The following FSTL4 variants were observed in gnomAD, a reference collection of about 807,000 sequenced individuals.
The protein encoded by FSTL4 is follistatin like 4.
A neutral mutation model predicts 78.2 loss-of-function variants in FSTL4; 28 were observed. The observed-to-expected ratio is 0.36, with a 90% CI of 0.27 to 0.49. FSTL4 has a LOEUF of 0.49. FSTL4 is among the 20% of genes least tolerant of loss of function. The pLI, the probability that FSTL4 is intolerant of heterozygous loss-of-function variation, is 0.98. For missense variants in FSTL4, 922 were observed against 1,084.9 expected, an observed-to-expected ratio of 0.85 and a Z score of 2.11; for synonymous variants, 422 against 440.5, an observed-to-expected ratio of 0.96 and a Z score of 0.53.
intron 3 of FSTL4, among the ~76,000 whole-genome samples, chr5:133,487,822 T>C (rs1387364107): frequency 6.6e-6 from 1 of 152,176 alleles, no homozygotes; most frequent in Non-Finnish European, 1.5e-5. Flanking sequence ...GCATGAGCAC[T>C]TCGTGACTGT....
the FSTL4 span, among the ~76,000 whole-genome samples, chr5:133,647,868 T>C: frequency 6.6e-6 from 1 of 152,166 alleles, no homozygotes. Flanking sequence ...CCAAATCTCA[T>C]CTTAAATTCC....
At chr5:133,532,024 T>G (rs1009247234) in intron 3 of FSTL4, among the ~76,000 whole-genome samples, 4 of 152,084 alleles carry the variant, frequency 2.6e-5, no homozygotes, top group African/African-American at 9.7e-5. Context: ...TTTACAGAAG[T>G]GAGTGAGGTA....
chr5:133,777,379 C>T, the FSTL4 span, among the ~76,000 whole-genome samples: 4 of 152,168 alleles, frequency 2.6e-5, no homozygotes, highest in Admixed American at 6.5e-5. Context: ...AATAGTGGGA[C>T]GTAGCGTGAC....
intron 4 of FSTL4, among the ~76,000 whole-genome samples, chr5:133,348,373 A>G (rs1211455441): frequency 1.1e-4 from 16 of 152,222 alleles, no homozygotes; most frequent in Non-Finnish European, 1.8e-4. Context: ...TTCCCTCCCA[A>G]TGAGAGATCA....
At chr5:133,374,789 G>T (rs915200088) in intron 4 of FSTL4, among the ~76,000 whole-genome samples, 8 of 152,118 alleles carry the variant, frequency 5.3e-5, no homozygotes, top group South Asian at 2.1e-4. Flanking sequence ...AAACCAGGAA[G>T]AGGACCCTCA....
chr5:133,292,107 C>T (rs1753276695), intron 6 of FSTL4, among the ~76,000 whole-genome samples: 1 of 152,166 alleles, frequency 6.6e-6, no homozygotes, highest in South Asian at 2.1e-4. Flanking sequence ...AGTGGCAGAC[C>T]AAGGGCAGAC....
At chr5:133,745,114 C>T in the FSTL4 span, among the ~76,000 whole-genome samples, 560 of 152,286 alleles carry the variant, frequency 3.7e-3, 5 homozygotes, top group African/African-American at 0.013. Context: ...GAAACAAAAA[C>T]CTATTTTTAA....
chr5:133,751,783 C>G, the FSTL4 span, among the ~76,000 whole-genome samples: 1 of 152,332 alleles, frequency 6.6e-6, no homozygotes, highest in East Asian at 1.9e-4. Flanking sequence ...GGTGCAACAG[C>G]AATTTCTTCT....
In FSTL4 at chr5:133,522,204, G is replaced by T. The variant is rs576461670; in HGVS notation, c.160+44982C>A. On this transcript the variant is annotated intron_variant, in intron 3 of 15. Coordinates refer to ENST00000265342, the MANE Select transcript of FSTL4 (RefSeq NM_015082.2). ...CTGTCAAGACAGGACCACCGATAGTGCAATTCCCTTGCTGGGAATTAATTC... is the reference window on the plus strand; with the variant it reads ...CTGTCAAGACAGGACCACCGATAGTTCAATTCCCTTGCTGGGAATTAATTC... Among the ~76,000 whole-genome samples the T allele has an allele frequency of 2.0e-5, 3 of 152,222 alleles. No homozygotes were observed. The East Asian group carries it at 5.8e-4, about 29-fold the overall frequency.
the FSTL4 span, among the ~76,000 whole-genome samples, chr5:133,742,869 C>T: frequency 2.6e-5 from 4 of 152,042 alleles, no homozygotes; most frequent in African/African-American, 4.8e-5. Context: ...ATGACAGGAG[C>T]GCGCGGTGGA....
intron 11 of FSTL4, among the ~76,000 whole-genome samples, chr5:133,221,629 T>C (rs973675982): frequency 6.6e-6 from 1 of 152,058 alleles, no homozygotes; most frequent in Admixed American, 6.6e-5. Flanking sequence ...AGGCCACCCG[T>C]CTCTGTGCCA....
chr5:133,402,469 T>G (rs1404124818), intron 3 of FSTL4, among the ~76,000 whole-genome samples: 2 of 152,224 alleles, frequency 1.3e-5, no homozygotes, highest in African/African-American at 4.8e-5. Context: ...CAGAAGACTT[T>G]GCTTTAAGTG....
intron 6 of FSTL4, among the ~76,000 whole-genome samples, chr5:133,262,469 T>G (rs184508343): frequency 6.6e-6 from 1 of 152,308 alleles, no homozygotes; most frequent in South Asian, 2.1e-4. Flanking sequence ...ACATGCATGC[T>G]TGTTCAATAC....
At chr5:133,516,963 A>G (rs1758864514) in intron 3 of FSTL4, among the ~76,000 whole-genome samples, 1 of 152,130 alleles carries the variant, frequency 6.6e-6, no homozygotes, top group African/African-American at 2.4e-5. Context: ...CTATAATCCC[A>G]GCACTTTGGG....
chr5:133,672,918 C>T, the FSTL4 span, among the ~76,000 whole-genome samples: 200 of 152,296 alleles, frequency 1.3e-3, no homozygotes, highest in Middle Eastern at 3.4e-3. Context: ...ACGGTCAGGG[C>T]ACAGCTTAGT....
In FSTL4 at chr5:133,361,524, G is replaced by T. The variant is rs1755070381; in HGVS notation, c.409+39214C>A. On this transcript the variant is annotated intron_variant, in intron 4 of 15. Transcript: ENST00000265342. This position sits in a 1 kb window ranked among gnomAD's most constrained non-coding sequence, Gnocchi z 4.3. ...CTGGAGCATCAGACCAGCACATCTT[G>T]GCCAAAACGCATAGGTATCTCTTTC... 6.6e-6 allele frequency among the ~76,000 whole-genome samples: 1 copy of T among 152,222 alleles called. No individual in the cohort carries two copies. The highest frequency in any genetic ancestry group is 2.4e-5 in the African/African-American group (1 of 41,528).
intron 4 of FSTL4, among the ~76,000 whole-genome samples, chr5:133,322,867 G>A (rs538517606): frequency 6.9e-4 from 105 of 152,330 alleles, no homozygotes; most frequent in African/African-American, 2.5e-3. Flanking sequence ...CACCTCTGGG[G>A]TTGACTGAGG....
chr5:133,761,789 G>A, the FSTL4 span, among the ~76,000 whole-genome samples: 1 of 152,114 alleles, frequency 6.6e-6, no homozygotes, highest in Non-Finnish European at 1.5e-5. Flanking sequence ...TTTAACCCAT[G>A]GCAAGCTTTC....
the FSTL4 span, among the ~76,000 whole-genome samples, chr5:133,805,562 A>G: frequency 6.6e-6 from 1 of 152,236 alleles, no homozygotes; most frequent in South Asian, 2.1e-4. Context: ...TTCAGTAAAA[A>G]GAAAATAAAT....
Sources: gnomAD v4.1 joint callset for allele counts (sites outside exome capture counted in the v4.1 genomes callset) on GRCh38, gnomAD v4.1.1 for gene constraint, Gnocchi (gnomAD v3.1) non-coding constraint, MANE v1.5 for transcripts, NCBI Gene and HGNC (gene_info 2026-07-23, HGNC 2026-07-21) for gene names.